The following P3H2 variants were observed in gnomAD, a reference collection of about 807,000 sequenced individuals.
The protein encoded by P3H2 is leprecan-like 1.
A neutral mutation model predicts 87.0 loss-of-function variants in P3H2; 80 were observed. The ratio of observed to expected loss-of-function variants is 0.92; its 90% CI spans 0.77 to 1.11. P3H2 has a LOEUF of 1.11. Ranked by LOEUF, P3H2 falls within the 50% of genes least tolerant of loss-of-function variation. The probability of loss-of-function intolerance (pLI) is 0.00; values close to 1 mark genes in which losing one functional copy is unlikely to be tolerated. For synonymous variants in P3H2, 367 were observed against 359.3 expected, an observed-to-expected ratio of 1.02 and a Z score of -0.24; for missense variants, 1,001 against 923.9, an observed-to-expected ratio of 1.08 and a Z score of -1.08.
At chr3:190,007,723 A>G (rs943043473) in intron 1 of P3H2, among the ~76,000 whole-genome samples, 1 of 151,750 alleles carries the variant, frequency 6.6e-6, no homozygotes, top group African/African-American at 2.4e-5. Context: ...TGTTCATAAG[A>G]CTTATAAAAA....
intron 1 of P3H2, among the ~76,000 whole-genome samples, chr3:189,997,146 G>A (rs1332580010): frequency 1.3e-5 from 2 of 152,094 alleles, no homozygotes; most frequent in East Asian, 1.9e-4. Context: ...CTCAGCCTCC[G>A]AAGTAGCTGG....
chr3:190,119,109 A>G (rs1712412410), intron 1 of P3H2, among the ~76,000 whole-genome samples: 1 of 128,038 alleles, frequency 7.8e-6, no homozygotes, highest in Non-Finnish European at 1.6e-5. Flanking sequence ...CCGTCAAAAA[A>G]AGAAAAGAAA....
intron 1 of P3H2, among the ~76,000 whole-genome samples, chr3:190,021,741 T>TA (rs1724932003): frequency 1.5e-5 from 2 of 134,894 alleles, no homozygotes; most frequent in African/African-American, 5.1e-5. Context: ...CAATAAATCT[T>TA]TAATGAGTGC....
intron 1 of P3H2, among the ~76,000 whole-genome samples, chr3:190,006,028 A>G (rs7623371): frequency 0.022 from 3,359 of 152,320 alleles, 136 homozygotes; most frequent in African/African-American, 0.077. Context: ...TATCCCTACC[A>G]TATATCCAGG....
At position 189,989,091 on chromosome 3, in the gene P3H2, C is replaced by T. The variant is rs955983480; in HGVS notation, c.824-53G>A. The T allele has an allele frequency of 4.2e-5, 68 of 1,608,814 alleles. No homozygotes were observed. In the Middle Eastern group the frequency reaches 1.1e-3, roughly 26 times the overall value. On this transcript the variant is annotated intron_variant, in intron 3 of 14. Coordinates refer to ENST00000319332, the MANE Select transcript of P3H2 (RefSeq NM_018192.4). Reference sequence around the variant, plus strand: ...TCCTCCAGGTTGCTGAGTGCCCAAACGTCAACGTCACAGCCACAGTTACAC... The same window carrying T: ...TCCTCCAGGTTGCTGAGTGCCCAAATGTCAACGTCACAGCCACAGTTACAC...
At chr3:189,959,858 ATATGTGTG>A (rs1371323392) in intron 14 of P3H2, among the ~76,000 whole-genome samples, 2 of 131,060 alleles carry the variant, frequency 1.5e-5, no homozygotes, top group Non-Finnish European at 3.1e-5. Flanking sequence ...ACTGGAGGAG[ATATGTGTG>A]TGTGTGTGTG....
chr3:189,957,372 A>T lies in P3H2; in HGVS notation c.*540T>A. The T allele has an allele frequency of 2.5e-6, 1 of 398,858 alleles. No homozygotes were observed. Among genetic ancestry groups the T allele is most frequent in the Non-Finnish European group, 4.4e-6 (1 of 227,080 alleles). The allele number at this position is 398,858 out of a possible 1,614,324, so 24.7% of individuals were successfully genotyped here. A position where few individuals can be genotyped will look rare whatever the true frequency, so the allele number is the denominator to read the frequency against. On this transcript the variant is annotated 3_prime_UTR_variant, in exon 15 of 15. Coordinates refer to ENST00000319332, the MANE Select transcript of P3H2 (RefSeq NM_018192.4). ...CAGGTTAATTTTAGAACTGGAGCAC[A>T]CGTGAGAGTTGTAGTTTCACCACCA...
chr3:190,002,702 T>C (rs1724255591), intron 1 of P3H2, among the ~76,000 whole-genome samples: 1 of 152,214 alleles, frequency 6.6e-6, no homozygotes, highest in Admixed American at 6.5e-5. Flanking sequence ...CCCGGCATTA[T>C]GTTGGGTTTC....
At chr3:190,120,171 A>T (rs1409095281) in intron 1 of P3H2, 81 bp downstream of exon 1, 4 of 1,502,870 alleles carry the variant, frequency 2.7e-6, no homozygotes, top group Non-Finnish European at 3.6e-6. Context: ...CTGAACAGAG[A>T]TGACGGGGGC....
intron 1 of P3H2, among the ~76,000 whole-genome samples, chr3:190,115,006 T>C (rs1712234390): frequency 6.6e-6 from 1 of 152,198 alleles, no homozygotes; most frequent in Admixed American, 6.5e-5. Flanking sequence ...TAGCAGTTGA[T>C]AAAACAGAGT....
intron 1 of P3H2, among the ~76,000 whole-genome samples, chr3:190,115,891 C>T (rs1216812811): frequency 1.3e-5 from 2 of 152,326 alleles, no homozygotes; most frequent in Non-Finnish European, 2.9e-5. Context: ...CTCAGACCTA[C>T]TGAGCCTGTA....
intron 1 of P3H2, among the ~76,000 whole-genome samples, chr3:190,037,855 T>C (rs985284283): frequency 6.6e-6 from 1 of 152,120 alleles, no homozygotes; most frequent in African/African-American, 2.4e-5. Flanking sequence ...TCTATTGCAA[T>C]GAAAGCATCA....
At chr3:190,049,261 G>C (rs1469226422) in intron 1 of P3H2, among the ~76,000 whole-genome samples, 1 of 72,074 alleles carries the variant, frequency 1.4e-5, no homozygotes, top group East Asian at 5.3e-4. Flanking sequence ...CATTTCAATA[G>C]ACACATGGTT....
At chr3:190,093,705 A>G (rs1727485435) in intron 1 of P3H2, among the ~76,000 whole-genome samples, 1 of 152,168 alleles carries the variant, frequency 6.6e-6, no homozygotes, top group Admixed American at 6.5e-5. Context: ...GATTGCTACT[A>G]TTTACAGTGT....
chr3:190,092,843 T>C (rs898493781), intron 1 of P3H2, among the ~76,000 whole-genome samples: 2 of 152,230 alleles, frequency 1.3e-5, no homozygotes, highest in Non-Finnish European at 2.9e-5. Context: ...CTGTAGTTCT[T>C]GTTTTTGCTC....
Position 189,963,695 on chromosome 3 carries a change from C to T in P3H2, c.2034+263G>A, listed in dbSNP as rs837679. 0.23 allele frequency: 101,879 copies of T among 442,598 alleles called. 12,478 individuals carry two copies. The highest frequency in any genetic ancestry group is 0.27 in the Non-Finnish European group (64,051 of 239,178). 27.4% of individuals were successfully genotyped at this position (442,598 alleles called of 1,614,324 possible). On this transcript the variant is annotated intron_variant, in intron 14 of 14. Coordinates refer to ENST00000319332, the MANE Select transcript of P3H2 (RefSeq NM_018192.4). ...CCGACCTCAAGTGATCTGCCCACCTCGGCCTCCCAAAGTTCTGGGGTTATA... is the reference window on the plus strand; with the variant it reads ...CCGACCTCAAGTGATCTGCCCACCTTGGCCTCCCAAAGTTCTGGGGTTATA...
At position 189,971,319 on chromosome 3, in the gene P3H2, C is replaced by A. The variant is rs372547391; in HGVS notation, c.1818-428G>T. 5.3e-5 allele frequency among the ~76,000 whole-genome samples: 8 copies of A among 152,318 alleles called. No homozygotes were observed. In the East Asian group the frequency reaches 1.5e-3, roughly 29 times the overall value. ...TGCTGAAGAGTTCCTTGTGGCCTAG[C>A]CACGCCTTGCAGATAGCGGGTGCTT... On this transcript the variant is annotated intron_variant, in intron 12 of 14. Transcript: ENST00000319332.
At position 190,021,969 on chromosome 3, in the gene P3H2, C is replaced by A. The variant is rs145075839; in HGVS notation, c.481-26527G>T. 8.7e-3 allele frequency among the ~76,000 whole-genome samples: 1,179 copies of A among 134,854 alleles called. 168 individuals carry two copies. The highest frequency in any genetic ancestry group is 0.027 in the African/African-American group (1,071 of 39,104). 88.5% of individuals were successfully genotyped at this position (134,854 alleles called of 152,430 possible). A position where few individuals can be genotyped will look rare whatever the true frequency, so the allele number is the denominator to read the frequency against. On this transcript the variant is annotated intron_variant, in intron 1 of 14. Coordinates refer to ENST00000319332, the MANE Select transcript of P3H2 (RefSeq NM_018192.4). ...TGTCAGTGATACTTTATTGCCTATT[C>A]ATTCAACAAATATGTAATGAATGTA...
At chr3:189,963,815 C>T in intron 14 of P3H2, 143 bp downstream of exon 14, 1 of 806,870 alleles carries the variant, frequency 1.2e-6, no homozygotes, top group Non-Finnish European at 2.1e-6. Context: ...TTTCTACAAA[C>T]ATCTTCACTT....
Sources: gnomAD v4.1 joint callset for allele counts (sites outside exome capture counted in the v4.1 genomes callset) on GRCh38, gnomAD v4.1.1 for gene constraint, MANE v1.5 for transcripts, NCBI Gene and HGNC (gene_info 2026-07-23, HGNC 2026-07-21) for gene names.